TCERG1L: variants seen among roughly 807,000 people sequenced by gnomAD.
The protein encoded by TCERG1L is transcription elongation regulator 1 like, also known as transcription elongation regulator 1-like protein.
TCERG1L carries 37 observed loss-of-function variants against 56.3 expected under a neutral mutation model. The ratio of observed to expected loss-of-function variants is 0.66; its 90% confidence interval spans 0.51 to 0.87. TCERG1L has a LOEUF of 0.87. Among genes scored for constraint, TCERG1L ranks in the 40% least tolerant of loss-of-function variants. The pLI, the probability that TCERG1L is intolerant of heterozygous loss-of-function variation, is 0.00. For synonymous variants in TCERG1L, 324 were observed against 326.3 expected (o/e 0.99, Z 0.08); for missense variants, 799 against 774.2 (o/e 1.03, Z -0.38).
At chr10:131,187,444 T>C (rs1412431618) in intron 4 of TCERG1L, among the ~76,000 whole-genome samples, 7 of 152,056 alleles carry the variant, frequency 4.6e-5, no homozygotes, top group African/African-American at 1.7e-4. Context: ...CAGGGAGCAT[T>C]CTACCTGGCC....
chr10:131,304,093 G>C (rs1422567980), intron 3 of TCERG1L, among the ~76,000 whole-genome samples: 1 of 151,878 alleles, frequency 6.6e-6, no homozygotes, highest in Non-Finnish European at 1.5e-5. Context: ...GTTGTGGTTT[G>C]GTTTGTTTTG....
chr10:131,282,567 G>C (rs906360835), intron 3 of TCERG1L, among the ~76,000 whole-genome samples: 1 of 152,120 alleles, frequency 6.6e-6, no homozygotes, highest in African/African-American at 2.4e-5. Context: ...ATACTAAAAT[G>C]TTAACAAAAT....
At chr10:131,186,530 G>T (rs1845247034) in intron 4 of TCERG1L, among the ~76,000 whole-genome samples, 4 of 152,232 alleles carry the variant, frequency 2.6e-5, no homozygotes, top group African/African-American at 9.6e-5. Context: ...TGGCTGCAGA[G>T]TTGTATCCGT....
intron 4 of TCERG1L, among the ~76,000 whole-genome samples, chr10:131,186,288 G>A (rs558413166): frequency 5.9e-5 from 9 of 152,312 alleles, no homozygotes; most frequent in African/African-American, 2.2e-4. Context: ...GATGGAGGTG[G>A]TGGTTGAGCA....
Position 131,294,245 on chromosome 10 carries a change from T to G in TCERG1L, c.670+13966A>C, listed in dbSNP as rs141910597. 2.6e-4 allele frequency among the ~76,000 whole-genome samples: 40 copies of G among 152,208 alleles called. No individual in the cohort carries two copies. In the East Asian group the frequency reaches 6.2e-3, roughly 24 times the overall value. On this transcript the variant is annotated intron_variant, in intron 3 of 11. Transcript: ENST00000368642. ...AGCAGTCACCTCCCTGCCCCCGAGC[T>G]AAATCATGGCTTCCTGAAGCCACCT... is the stretch of plus-strand genomic sequence containing the variant.
intron 6 of TCERG1L, among the ~76,000 whole-genome samples, chr10:131,154,440 T>C (rs1391788427): frequency 6.6e-6 from 1 of 152,212 alleles, no homozygotes; most frequent in Non-Finnish European, 1.5e-5. Flanking sequence ...GAATGCCCTG[T>C]TCCAGGAGTG....
chr10:131,297,173 T>C (rs72849470), intron 3 of TCERG1L, among the ~76,000 whole-genome samples: 1,601 of 152,348 alleles, frequency 0.011, 9 homozygotes, highest in Non-Finnish European at 0.018. Flanking sequence ...CACTATTCAG[T>C]TTGACGTTAG....
intron 3 of TCERG1L, among the ~76,000 whole-genome samples, chr10:131,266,716 C>T (rs1228338046): frequency 2.6e-5 from 4 of 152,126 alleles, no homozygotes; most frequent in Admixed American, 2.6e-4. Flanking sequence ...GAGAGGGTAG[C>T]TTCTGCTGCA....
chr10:131,108,627 G>A (rs1455727077), intron 9 of TCERG1L, among the ~76,000 whole-genome samples: 6 of 152,178 alleles, frequency 3.9e-5, no homozygotes, highest in East Asian at 3.9e-4. Flanking sequence ...CATAAGCAAC[G>A]ACTTCAAACT....
intron 4 of TCERG1L, among the ~76,000 whole-genome samples, chr10:131,259,062 A>C (rs143773264): frequency 2.0e-5 from 3 of 152,342 alleles, no homozygotes; most frequent in Admixed American, 1.3e-4. Context: ...ATAGAAATAC[A>C]ATTTTGATCT....
chr10:131,253,062 CCT>C (rs1846128586), intron 4 of TCERG1L, among the ~76,000 whole-genome samples: 1 of 152,206 alleles, frequency 6.6e-6, no homozygotes, highest in Non-Finnish European at 1.5e-5. Context: ...ACAGACTGTC[CCT>C]GAGGGTCCTC....
chr10:131,176,847 TAGGAAC>T (rs201139843), intron 4 of TCERG1L, among the ~76,000 whole-genome samples: 407 of 25,514 alleles, frequency 0.016, 2 homozygotes, highest in Middle Eastern at 0.06. Flanking sequence ...CACAGGCACA[TAGGAAC>T]ACACAGAGAC....
chr10:131,166,868 C>T lies in TCERG1L; in HGVS notation c.874G>A (p.Gly292Ser). The change falls in exon 5 of 12, where the codon GGC (glycine) becomes AGC (serine). Residue 292 changes from glycine to serine, a missense_variant. Coordinates refer to ENST00000368642, the MANE Select transcript of TCERG1L (RefSeq NM_174937.4). ...AGGGCAGGAGGGCGGGCCACTCGGCCCCGCTCTGTCCTTGTATCTGTTGGG... is the reference window on the plus strand; with the variant it reads ...AGGGCAGGAGGGCGGGCCACTCGGCTCCGCTCTGTCCTTGTATCTGTTGGG... ...SPVSDTRTER[G>S]RVARPPALML... 3 of 1,612,576 alleles carry T rather than the reference C, an allele frequency of 1.9e-6. No homozygotes were observed. Among genetic ancestry groups the T allele is most frequent in the Non-Finnish European group, 2.5e-6 (3 of 1,179,850 alleles).
chr10:131,231,103 G>A (rs767410836), intron 4 of TCERG1L, among the ~76,000 whole-genome samples: 14 of 148,752 alleles, frequency 9.4e-5, no homozygotes, highest in Non-Finnish European at 1.5e-4. Flanking sequence ...TGGCCGGCCC[G>A]GCCTGGGTGA....
chr10:131,184,231 G>A (rs12255029), intron 4 of TCERG1L, among the ~76,000 whole-genome samples: 17,385 of 152,180 alleles, frequency 0.11, 1,035 homozygotes, highest in East Asian at 0.2. Flanking sequence ...CTATTCTAGC[G>A]TATCACATTT....
intron 3 of TCERG1L, among the ~76,000 whole-genome samples, chr10:131,283,576 A>G (rs1378568864): frequency 6.6e-6 from 1 of 152,240 alleles, no homozygotes; most frequent in Non-Finnish European, 1.5e-5. Flanking sequence ...AATTAGAGAT[A>G]TAAGAATTTT....
intron 3 of TCERG1L, among the ~76,000 whole-genome samples, chr10:131,274,544 C>T (rs1050347845): frequency 6.6e-6 from 1 of 152,202 alleles, no homozygotes; most frequent in African/African-American, 2.4e-5. Flanking sequence ...CAGGTCTGTG[C>T]ACCAAGACTG....
chr10:131,108,169 G>C (rs1336078961), intron 9 of TCERG1L, among the ~76,000 whole-genome samples: 1 of 152,216 alleles, frequency 6.6e-6, no homozygotes, highest in Non-Finnish European at 1.5e-5. Context: ...TACCTGTCCA[G>C]AATGACTGGA....
intron 4 of TCERG1L, among the ~76,000 whole-genome samples, chr10:131,253,933 G>A (rs1846140548): frequency 6.6e-6 from 1 of 152,158 alleles, no homozygotes; most frequent in African/African-American, 2.4e-5. Context: ...TGACACCGAA[G>A]AGAATTGCCG....
Sources: allele counts gnomAD v4.1 joint callset (sites outside exome capture counted in the v4.1 genomes callset), GRCh38; gene constraint gnomAD v4.1.1; transcripts MANE v1.5; gene names NCBI Gene and HGNC (gene_info 2026-07-23, HGNC 2026-07-21).